The following LYPD6 variants were observed in gnomAD, a reference collection of about 807,000 sequenced individuals.
LYPD6 encodes ly6/PLAUR domain-containing protein 6.
A neutral mutation model predicts 22.7 loss-of-function variants in LYPD6; 15 were observed. The observed-to-expected ratio is 0.66, with a 90% CI of 0.44 to 1.02. The LOEUF (loss-of-function observed/expected upper bound fraction) is 1.02, where lower values mean the gene tolerates loss of function less well. Ranked by LOEUF, LYPD6 falls within the 50% of genes least tolerant of loss-of-function variation. LYPD6 has a pLI of 0.00. For synonymous variants in LYPD6, 72 were observed against 77.5 expected (o/e 0.93, Z 0.37); for missense variants, 189 against 208.4 (o/e 0.91, Z 0.57).
intron 1 of LYPD6, among the ~76,000 whole-genome samples, chr2:149,335,177 T>C (rs1471882563): frequency 6.6e-6 from 1 of 152,086 alleles, no homozygotes; most frequent in Admixed American, 6.6e-5. Flanking sequence ...CTCAGGCAGG[T>C]CCTTCAGGAG....
chr2:149,380,862 G>A (rs143112918), intron 1 of LYPD6, among the ~76,000 whole-genome samples: 37 of 152,262 alleles, frequency 2.4e-4, no homozygotes, highest in African/African-American at 8.2e-4. Context: ...TTGAGTCTGG[G>A]ACACAGGGAA....
chr2:149,352,584 G>A lies in LYPD6; in HGVS notation c.-72+21862G>A, dbSNP rs17348169. On this transcript the variant is annotated intron_variant, in intron 1 of 4. Coordinates refer to ENST00000334166, the MANE Select transcript of LYPD6 (RefSeq NM_194317.5). ...AAGGGGATTCATACTGGTAGAGCAG[G>A]GGTCAGTCAAATCTGGGTGGCTACC... is the stretch of plus-strand genomic sequence containing the variant. Among the ~76,000 whole-genome samples, 10 of 152,114 alleles carry A rather than the reference G, an allele frequency of 6.6e-5. No homozygotes were observed. In the East Asian group the frequency reaches 1.7e-3, roughly 27 times the overall value.
At chr2:149,399,033 G>A (rs1682491129) in intron 1 of LYPD6, among the ~76,000 whole-genome samples, 1 of 152,012 alleles carries the variant, frequency 6.6e-6, no homozygotes, top group Non-Finnish European at 1.5e-5. Context: ...TTGCCACTAT[G>A]CCAAAATGAT....
chr2:149,479,642 T>C, the LYPD6 span, among the ~76,000 whole-genome samples: 1 of 152,142 alleles, frequency 6.6e-6, no homozygotes, highest in Non-Finnish European at 1.5e-5. Flanking sequence ...CCAGGTCTAA[T>C]CTACCGTCAA....
intron 3 of LYPD6, among the ~76,000 whole-genome samples, chr2:149,459,446 C>T (rs1284318057): frequency 6.6e-6 from 1 of 152,162 alleles, no homozygotes; most frequent in Non-Finnish European, 1.5e-5. Flanking sequence ...CTTGAAACAT[C>T]AGAAAGGAAG....
rs1037087699 is a variant in LYPD6, at chr2:149,366,230, G to A, written c.-72+35508G>A. Among the ~76,000 whole-genome samples the A allele has an allele frequency of 2.9e-4, 44 of 152,024 alleles. 2 individuals carry two copies. The highest frequency in any genetic ancestry group is 2.7e-3 in the Admixed American group (41 of 15,256). ...TGTATAAGGCTTTTGTCTACTTTTT[G>A]TCATAGCTCTGGGCTGAACTTTTAG... is the stretch of plus-strand genomic sequence containing the variant. On this transcript the variant is annotated intron_variant, in intron 1 of 4. Coordinates refer to ENST00000334166, the MANE Select transcript of LYPD6 (RefSeq NM_194317.5).
chr2:149,413,268 A>G (rs1480739227), intron 1 of LYPD6, among the ~76,000 whole-genome samples: 1 of 152,164 alleles, frequency 6.6e-6, no homozygotes, highest in Non-Finnish European at 1.5e-5. Flanking sequence ...AGAGACTAAG[A>G]TGGGGGAAAG....
At chr2:149,440,920 T>C (rs1247686514) in intron 2 of LYPD6, among the ~76,000 whole-genome samples, 1 of 151,886 alleles carries the variant, frequency 6.6e-6, no homozygotes, top group Non-Finnish European at 1.5e-5. Context: ...TTAGCCAGGA[T>C]GGTCTCCATC....
chr2:149,343,274 G>GA (rs1403384468), intron 1 of LYPD6, among the ~76,000 whole-genome samples: 2 of 152,152 alleles, frequency 1.3e-5, no homozygotes, highest in African/African-American at 2.4e-5. Flanking sequence ...AGAGTGGGCA[G>GA]AGAAGAAGGA....
chr2:149,454,966 G>A (rs1680919842), intron 3 of LYPD6, among the ~76,000 whole-genome samples: 1 of 151,960 alleles, frequency 6.6e-6, no homozygotes, highest in African/African-American at 2.4e-5. Context: ...CTGCCCCTTA[G>A]CAGAGCTTTC....
intron 1 of LYPD6, among the ~76,000 whole-genome samples, chr2:149,355,072 C>T (rs1193281142): frequency 6.6e-6 from 1 of 152,016 alleles, no homozygotes; most frequent in African/African-American, 2.4e-5. Context: ...TATATTTTTC[C>T]TATGGGATAA....
At position 149,380,682 on chromosome 2, in the gene LYPD6, A is replaced by G. The variant is rs149797856; in HGVS notation, c.-72+49960A>G. ...GAAAACGTTGGGTAAACAGTTGGAT[A>G]CAGAAGTATGCAACTCAATGAAGAC... On this transcript the variant is annotated intron_variant, in intron 1 of 4. Transcript: ENST00000334166. Among the ~76,000 whole-genome samples the G allele has an allele frequency of 5.7e-3, 871 of 152,326 alleles. 8 individuals carry two copies. Among genetic ancestry groups the G allele is most frequent in the African/African-American group, 0.019 (797 of 41,570 alleles).
At chr2:149,484,772 C>G in the LYPD6 span, among the ~76,000 whole-genome samples, 1 of 152,060 alleles carries the variant, frequency 6.6e-6, no homozygotes, top group East Asian at 1.9e-4. Context: ...TAAATCAAAC[C>G]AGTTGTAATG....
rs1553446202 is a variant in LYPD6, at chr2:149,468,182, C to CACAT, written c.218-460_218-459insTACA. ...ACACACACACACACACACACACACA[C>CACAT]ACACACCAGCCACTGCTGTAGTGTT... On this transcript the variant is annotated intron_variant, in intron 3 of 4. Transcript: ENST00000334166. Among the ~76,000 whole-genome samples the CACAT allele has an allele frequency of 1.3e-4, 19 of 147,292 alleles. 1 individual carries two copies. The highest frequency in any genetic ancestry group is 4.8e-4 in the African/African-American group (19 of 39,724).
At chr2:149,344,511 G>A (rs111673225) in intron 1 of LYPD6, among the ~76,000 whole-genome samples, 2,697 of 152,220 alleles carry the variant, frequency 0.018, 67 homozygotes, top group African/African-American at 0.059. Context: ...CGACAGAGGC[G>A]TTTCTAAGCA....
Position 149,383,855 on chromosome 2 carries a change from C to T in LYPD6, c.-72+53133C>T, listed in dbSNP as rs115510327. On this transcript the variant is annotated intron_variant, in intron 1 of 4. Transcript: ENST00000334166. ...GTTATAACCTACACCTCTTTCTTCA[C>T]CTATAAAACACATATTTGCCCCTAA... Among the ~76,000 whole-genome samples the T allele has an allele frequency of 7.0e-3, 1,072 of 152,306 alleles. 10 individuals carry two copies. The highest frequency in any genetic ancestry group is 0.023 in the South Asian group (110 of 4,824).
intron 1 of LYPD6, among the ~76,000 whole-genome samples, chr2:149,337,842 G>A (rs1318390770): frequency 6.6e-6 from 1 of 152,026 alleles, no homozygotes; most frequent in East Asian, 1.9e-4. Flanking sequence ...TTGTGTCCAC[G>A]TGTTCTCAAT....
intron 1 of LYPD6, among the ~76,000 whole-genome samples, chr2:149,343,236 T>C (rs923928607): frequency 6.6e-6 from 1 of 151,978 alleles, no homozygotes; most frequent in African/African-American, 2.4e-5. Flanking sequence ...GTGTACTGAA[T>C]AAGATCGAAC....
chr2:149,482,463 T>A, the LYPD6 span, among the ~76,000 whole-genome samples: 2 of 152,182 alleles, frequency 1.3e-5, no homozygotes, highest in Non-Finnish European at 2.9e-5. Context: ...CTGGCTTTCT[T>A]CTCATTGTTA....
Sources: allele counts gnomAD v4.1 joint callset (sites outside exome capture counted in the v4.1 genomes callset), GRCh38; gene constraint gnomAD v4.1.1; transcripts MANE v1.5; gene names NCBI Gene and HGNC (gene_info 2026-07-23, HGNC 2026-07-21).